The following POU2F2 variants were observed in gnomAD, a reference collection of about 807,000 sequenced individuals.
POU2F2 encodes POU class 2 homeobox 2.
In POU2F2, 14 loss-of-function variants were observed where a neutral mutation model predicts 63.5. The ratio of observed to expected loss-of-function variants is 0.22; its 90% CI spans 0.15 to 0.34. The LOEUF (loss-of-function observed/expected upper bound fraction) is 0.34, where lower values mean the gene tolerates loss of function less well. POU2F2 is among the 10% of genes least tolerant of loss of function. The pLI is 1.00. For synonymous variants in POU2F2, 306 were observed against 348.6 expected, an observed-to-expected ratio of 0.88 and a Z score of 1.36; for missense variants, 607 against 815.2, an observed-to-expected ratio of 0.74 and a Z score of 3.11.
At chr19:42,098,832 G>T (rs996985154) in intron 7 of POU2F2, among the ~76,000 whole-genome samples, 46 of 152,218 alleles carry the variant, frequency 3.0e-4, no homozygotes, top group African/African-American at 1.1e-3. Flanking sequence ...TTAAAGTCTA[G>T]AACTCAGGCA....
At chr19:42,122,318 C>T (rs1326680473) in intron 3 of POU2F2, 26 bp downstream of exon 3, 1 of 1,599,002 alleles carries the variant, frequency 6.3e-7, no homozygotes, top group South Asian at 1.1e-5. Flanking sequence ...TTCCCACCCC[C>T]TCCCGCTTAT....
chr19:42,167,880 G>A (rs2034684654), intron 1 of POU2F2, among the ~76,000 whole-genome samples: 1 of 152,212 alleles, frequency 6.6e-6, no homozygotes, highest in South Asian at 2.1e-4. Flanking sequence ...GGAGTCCCTT[G>A]ACAGGGCTTT....
At chr19:42,197,897 C>T (rs1380485914), upstream of POU2F2, among the ~76,000 whole-genome samples, 3 of 152,050 alleles carry the variant, frequency 2.0e-5, no homozygotes, top group South Asian at 4.2e-4. Flanking sequence ...TGGGAGTGGC[C>T]GGGTGCAGCA....
chr19:42,179,162 T>C (rs914528470), upstream of POU2F2, among the ~76,000 whole-genome samples: 3 of 147,208 alleles, frequency 2.0e-5, no homozygotes, highest in Non-Finnish European at 4.5e-5. Context: ...AAGCAGAAAG[T>C]AGGAAGGTGA....
At chr19:42,171,251 G>C (rs1259653225) in intron 1 of POU2F2, among the ~76,000 whole-genome samples, 1 of 152,204 alleles carries the variant, frequency 6.6e-6, no homozygotes, top group East Asian at 1.9e-4. Context: ...AGGTATATGT[G>C]TATGGGTGGT....
intron 2 of POU2F2, among the ~76,000 whole-genome samples, chr19:42,148,072 C>A (rs888613015): frequency 1.3e-5 from 2 of 151,724 alleles, no homozygotes; most frequent in Non-Finnish European, 2.9e-5. Flanking sequence ...TCTCTTGCCC[C>A]CCTCTTCATC....
intron 2 of POU2F2, among the ~76,000 whole-genome samples, chr19:42,144,368 G>A (rs1292519543): frequency 6.6e-6 from 1 of 152,234 alleles, no homozygotes; most frequent in Non-Finnish European, 1.5e-5. Context: ...GCTAATGGGA[G>A]TGCCCACCTG....
intron 4 of POU2F2, among the ~76,000 whole-genome samples, chr19:42,118,612 C>T (rs973527211): frequency 1.3e-5 from 2 of 152,240 alleles, no homozygotes; most frequent in East Asian, 1.9e-4. Context: ...ATGGACACAC[C>T]TTGCACCATA....
At position 42,090,939 on chromosome 19, in the gene POU2F2, G is replaced by A. The variant is rs1372894887; in HGVS notation, c.*318C>T. 1.7e-5 allele frequency: 4 copies of A among 230,846 alleles called. No homozygotes were observed. Among genetic ancestry groups the A allele is most frequent in the Non-Finnish European group, 3.4e-5 (4 of 119,262 alleles). The allele number at this position is 230,846 out of a possible 1,614,324, so 14.3% of individuals were successfully genotyped here. A position where few individuals can be genotyped will look rare whatever the true frequency, so the allele number is the denominator to read the frequency against. ...GTGAGCACGCTGAGGTCTGGCTCGCGACTGGTTTTTTGGTTTGTTTGATTT... is the reference window on the plus strand; with the variant it reads ...GTGAGCACGCTGAGGTCTGGCTCGCAACTGGTTTTTTGGTTTGTTTGATTT... On this transcript the variant is annotated 3_prime_UTR_variant, in exon 15 of 15. Coordinates refer to ENST00000692977, the MANE Select transcript of POU2F2 (RefSeq NM_001394376.1). The surrounding 1 kb of genome is among the most constrained non-coding windows in gnomAD (Gnocchi z 4.4).
chr19:42,193,940 G>A (rs1202635527), intron 1 of POU2F2, among the ~76,000 whole-genome samples: 10 of 152,144 alleles, frequency 6.6e-5, no homozygotes, highest in Non-Finnish European at 1.5e-4. Flanking sequence ...ATAAAAATGA[G>A]TCAACTACAG....
intron 5 of POU2F2, among the ~76,000 whole-genome samples, chr19:42,100,220 T>C (rs1262817427): frequency 6.7e-6 from 1 of 148,178 alleles, no homozygotes; most frequent in African/African-American, 2.5e-5. Context: ...GCCTCCCAAG[T>C]AGCTGGGACT....
Position 42,117,481 on chromosome 19 carries a change from C to T in POU2F2, c.187-49G>A. 1.3e-6 allele frequency: 1 copy of T among 773,394 alleles called. No homozygotes were observed. The highest frequency in any genetic ancestry group is 2.7e-5 in the East Asian group (1 of 36,422). The allele number at this position is 773,394 out of a possible 1,614,324, so 47.9% of individuals were successfully genotyped here. ...TGTGTGGCAATGGCAATCAGGCTGG[C>T]ACAGGAGGAGCAGACTGGGGTGTGG... On this transcript the variant is annotated intron_variant, in intron 4 of 14. Coordinates refer to ENST00000692977, the MANE Select transcript of POU2F2 (RefSeq NM_001394376.1). This position sits in a 1 kb window ranked among gnomAD's most constrained non-coding sequence, Gnocchi z 4.4.
rs185519194 is a variant in POU2F2 at position 42,171,970 on chromosome 19, G to T, written c.-70+3993C>A. Among the ~76,000 whole-genome samples, 8 of 152,270 alleles carry T rather than the reference G, an allele frequency of 5.3e-5. No homozygotes were observed. In the East Asian group the frequency reaches 1.3e-3, roughly 26 times the overall value. On this transcript the variant is annotated intron_variant, in intron 1 of 6. Coordinates refer to the POU2F2 transcript ENST00000524801. ...TGTATATGTGTATGTGTGTGTGATTGCAGGCATAATAGCTCCCCGCTGCCA... is the reference window on the plus strand; with the variant it reads ...TGTATATGTGTATGTGTGTGTGATTTCAGGCATAATAGCTCCCCGCTGCCA...
chr19:42,091,507 C>A lies in POU2F2; in HGVS notation c.1625G>T (p.Gly542Val). ...LVLGAAGAAP[G>V]SPGLVTSPLF... ...CGGCGAGGTCACCAGGCCAGGGCTC[C>A]CCGGGGCTGCACCGGCTGCCCCCAG... Residue 542 changes from glycine (G) to valine (V), a missense_variant, in exon 15 of 15, where the codon GGG becomes GTG. Physicochemically the swap from Gly to Val is moderately radical, Grantham distance 109 (BLOSUM62 -3). Transcript: ENST00000692977. The A allele has an allele frequency of 6.5e-7, 1 of 1,547,646 alleles. No homozygotes were observed. Among genetic ancestry groups the A allele is most frequent in the Middle Eastern group, 1.7e-4 (1 of 5,946 alleles).
At chr19:42,194,557 G>C (rs921438596) in intron 1 of POU2F2, among the ~76,000 whole-genome samples, 6 of 150,622 alleles carry the variant, frequency 4.0e-5, no homozygotes, top group East Asian at 4.0e-4. Flanking sequence ...TCAGGAGTTC[G>C]AGACCAGCCT....
At chr19:42,176,039 A>C (rs1482448413), upstream of POU2F2, 2 of 149,112 alleles carry the variant, frequency 1.3e-5, no homozygotes, top group African/African-American at 5.0e-5. Flanking sequence ...CCATCATCGT[A>C]CTAAACCGGC....
chr19:42,095,022 C>G lies in POU2F2; in HGVS notation c.1197+264G>C, dbSNP rs2076864656. On this transcript the variant is annotated intron_variant, in intron 11 of 14. Transcript: ENST00000692977. This position sits in a 1 kb window ranked among gnomAD's most constrained non-coding sequence, Gnocchi z 7.1. The stretch of plus-strand genomic sequence containing the variant: ...GGACCACGTCCCTGGACATATATCC[C>G]TTCCTGTGTGGCTATGGCACTGTGA... 2.0e-5 allele frequency among the ~76,000 whole-genome samples: 3 copies of G among 152,334 alleles called. No homozygotes were observed. The South Asian group carries it at 6.2e-4, about 32-fold the overall frequency.
chr19:42,190,873 C>T (rs903492051), intron 1 of POU2F2, among the ~76,000 whole-genome samples: 3 of 151,840 alleles, frequency 2.0e-5, no homozygotes, highest in African/African-American at 4.8e-5. Context: ...ATAGATGTAA[C>T]GGTAAAGTGG....
intron 1 of POU2F2, among the ~76,000 whole-genome samples, chr19:42,182,242 AAGAGAGAGAGAG>A (rs55947953): frequency 5.8e-4 from 73 of 125,994 alleles, no homozygotes; most frequent in Middle Eastern, 4.4e-3. Flanking sequence ...TCTGTCTCAA[AAGAGAGAGAGAG>A]AGAGAGAGAG....
Sources: allele counts gnomAD v4.1 joint callset (sites outside exome capture counted in the v4.1 genomes callset), GRCh38; gene constraint gnomAD v4.1.1; non-coding constraint Gnocchi (gnomAD v3.1); transcripts MANE v1.5; gene names NCBI Gene and HGNC (gene_info 2026-07-23, HGNC 2026-07-21).